The following SSBP1 variants were observed in gnomAD, a reference collection of about 807,000 sequenced individuals.
The protein encoded by SSBP1 is single-stranded DNA-binding protein, mitochondrial.
A neutral mutation model predicts 27.0 loss-of-function variants in SSBP1; 20 were observed. The observed-to-expected ratio is 0.74, with a 90% CI of 0.52 to 1.08. The LOEUF is 1.08. Among genes scored for constraint, SSBP1 ranks in the 50% least tolerant of loss-of-function variants. The pLI, the probability that SSBP1 is intolerant of heterozygous loss-of-function variation, is 0.00. For missense variants in SSBP1, 137 were observed against 182.4 expected, an observed-to-expected ratio of 0.75 and a Z score of 1.44; for synonymous variants, 59 against 59.3, an observed-to-expected ratio of 1.00 and a Z score of 0.02.
intron 2 of SSBP1, chr7:141,740,884 A>G (rs550947785): frequency 6.6e-6 from 1 of 152,336 alleles, no homozygotes; most frequent in East Asian, 1.9e-4. Context: ...TTTTAAAATG[A>G]AACACTTTAG....
chr7:141,742,895 C>T (rs1419855263), intron 3 of SSBP1, among the ~76,000 whole-genome samples: 1 of 152,152 alleles, frequency 6.6e-6, no homozygotes, highest in Non-Finnish European at 1.5e-5. Context: ...TGCTCTGTCG[C>T]CCAGGCTGGA....
intron 3 of SSBP1, among the ~76,000 whole-genome samples, chr7:141,743,142 C>G (rs557696251): frequency 6.6e-6 from 1 of 152,194 alleles, no homozygotes; most frequent in Admixed American, 6.5e-5. Flanking sequence ...CGTGAGCCAC[C>G]GCGCCCAGCC....
At chr7:141,739,830 C>T (rs977767165) in intron 2 of SSBP1, 1 of 152,210 alleles carries the variant, frequency 6.6e-6, no homozygotes, top group Non-Finnish European at 1.5e-5. Context: ...CTCCATGACT[C>T]TGTCATTTTC....
chr7:141,748,607 T>C (rs1455429586), intron 6 of SSBP1, among the ~76,000 whole-genome samples: 3 of 151,896 alleles, frequency 2.0e-5, no homozygotes, highest in African/African-American at 7.3e-5. Flanking sequence ...GTTCGGATTA[T>C]TGAGTTGTTA....
At chr7:141,745,442 C>CT (rs1799743483) in intron 5 of SSBP1, 54 bp from the exon 6 acceptor site, 3 of 1,481,818 alleles carry the variant, frequency 2.0e-6, no homozygotes, top group Non-Finnish European at 2.8e-6. Flanking sequence ...TGACCTGACT[C>CT]TTATAAAGCA....
At chr7:141,746,030 A>T (rs992352799) in intron 6 of SSBP1, 1 of 958,514 alleles carries the variant, frequency 1.0e-6, no homozygotes, top group African/African-American at 1.8e-5. Flanking sequence ...TTTTAATTTT[A>T]TTTTTTTTGA....
intron 6 of SSBP1, among the ~76,000 whole-genome samples, chr7:141,746,950 G>C (rs901336793): frequency 9.2e-5 from 14 of 151,770 alleles, no homozygotes; most frequent in African/African-American, 3.4e-4. Context: ...TTTTTTCTTT[G>C]AACTTGTTTT....
Position 141,739,237 on chromosome 7 carries a change from C to T in SSBP1, c.24+47C>T. ...TACTGAGATGTATTACTATCAGCCACAGTGATCAGAAGACTTCTTTAGGCT... is the reference window on the plus strand; with the variant it reads ...TACTGAGATGTATTACTATCAGCCATAGTGATCAGAAGACTTCTTTAGGCT... On this transcript the variant is annotated intron_variant, in intron 2 of 6. Transcript: ENST00000265304. 4.7e-6 allele frequency: 7 copies of T among 1,503,990 alleles called. No individual in the cohort carries two copies. In the East Asian group the frequency reaches 1.7e-4, roughly 36 times the overall value. 93.2% of individuals were successfully genotyped at this position (1,503,990 alleles called of 1,614,324 possible).
chr7:141,745,904 C>T, intron 6 of SSBP1: 1 of 1,058,906 alleles, frequency 9.4e-7, no homozygotes, highest in Non-Finnish European at 1.1e-6. Context: ...AAGGATCTAG[C>T]CCTAACCAGG....
intron 2 of SSBP1, 129 bp from the exon 3 acceptor site, chr7:141,742,040 G>T: frequency 1.4e-6 from 1 of 704,400 alleles, no homozygotes; most frequent in Non-Finnish European, 2.3e-6. Flanking sequence ...AACATGAGAA[G>T]AGCTTCTCTT....
rs764523337 is a variant in SSBP1 at position 141,745,452 on chromosome 7, A to G, written c.315-44A>G. The G allele has an allele frequency of 1.5e-5, 22 of 1,509,338 alleles. No homozygotes were observed. The Admixed American group carries it at 1.5e-4, about 10-fold the overall frequency. 93.5% of individuals were successfully genotyped at this position (1,509,338 alleles called of 1,614,324 possible). ...CACCCTGACCTGACTCTTATAAAGCATATTAAGATCTCAACTAAAAACTGT... is the reference window on the plus strand; with the variant it reads ...CACCCTGACCTGACTCTTATAAAGCGTATTAAGATCTCAACTAAAAACTGT... On this transcript the variant is annotated intron_variant, in intron 5 of 6. Coordinates refer to ENST00000265304, the MANE Select transcript of SSBP1 (RefSeq NM_003143.3).
rs185063976 is a variant in SSBP1 at position 141,740,211 on chromosome 7, A to G, written c.24+1021A>G. 1.7e-4 allele frequency: 26 copies of G among 152,328 alleles called. 1 individual carries two copies. The East Asian group carries it at 4.6e-3, about 27-fold the overall frequency. The allele number at this position is 152,328 out of a possible 1,614,324, so 9.4% of individuals were successfully genotyped here. Reference sequence around the variant, plus strand: ...GTTGTACTCATATCTTTATTTTCTTATCTGCCCTCTGCTCCTAAGTTTAGT... The same window carrying G: ...GTTGTACTCATATCTTTATTTTCTTGTCTGCCCTCTGCTCCTAAGTTTAGT... On this transcript the variant is annotated intron_variant, in intron 2 of 6. Transcript: ENST00000265304.
chr7:141,742,526 A>C (rs922362867), intron 3 of SSBP1, among the ~76,000 whole-genome samples: 8 of 152,194 alleles, frequency 5.3e-5, no homozygotes, highest in Non-Finnish European at 1.2e-4. Flanking sequence ...TATTAGGCTG[A>C]GATTGTAAAA....
intron 5 of SSBP1, 34 bp from the exon 6 acceptor site, chr7:141,745,462 C>G (rs757571875): frequency 1.3e-6 from 2 of 1,547,502 alleles, no homozygotes; most frequent in Non-Finnish European, 1.8e-6. Flanking sequence ...ATATTAAGAT[C>G]TCAACTAAAA....
In SSBP1 at chr7:141,742,176, G is replaced by A. The variant is rs146619105; in HGVS notation, c.32G>A (p.Arg11His). 134 of 1,597,630 alleles carry A rather than the reference G, an allele frequency of 8.4e-5. No homozygotes were observed. The highest frequency in any genetic ancestry group is 2.2e-4 in the East Asian group (10 of 44,576). ...TCATTTGTTCTTCTTTAGGTACTTC[G>A]TCAGTTTGTAAGACATGAGTCCGAA... is the stretch of plus-strand genomic sequence containing the variant. MFRRPVLQVL[R>H]QFVRHESETT... The change falls in exon 3 of 7, where the codon CGT becomes CAT. Residue 11 changes from arginine to histidine, a missense_variant. By Grantham distance (29) the Arg-to-His change is conservative. Coordinates refer to ENST00000265304, the MANE Select transcript of SSBP1 (RefSeq NM_003143.3).
chr7:141,742,650 C>A (rs910959644), intron 3 of SSBP1, among the ~76,000 whole-genome samples: 1 of 152,184 alleles, frequency 6.6e-6, no homozygotes, highest in Admixed American at 6.5e-5. Context: ...AATTTAAGAT[C>A]TAGAGCTTAC....
At position 141,750,211 on chromosome 7, in the gene SSBP1, T is replaced by C. The variant is rs3735279; in HGVS notation, c.404-100T>C. ...TTTTGAAAAGATGGCTAAAATCCTT[T>C]TAATGAACAGCACTAAAGTTATATG... On this transcript the variant is annotated intron_variant, in intron 6 of 6. Transcript: ENST00000265304. 3.1e-3 allele frequency: 2,670 copies of C among 848,356 alleles called. 54 individuals carry two copies. In the East Asian group the frequency reaches 0.04, roughly 13 times the overall value. 52.6% of individuals were successfully genotyped at this position (848,356 alleles called of 1,614,324 possible).
chr7:141,744,604 T>C (rs915425902), intron 5 of SSBP1, among the ~76,000 whole-genome samples: 5 of 152,238 alleles, frequency 3.3e-5, no homozygotes, highest in Non-Finnish European at 7.3e-5. Flanking sequence ...AGAAATGTAC[T>C]TGTTTTGTAG....
chr7:141,745,666 G>A (rs953083793), intron 6 of SSBP1, 82 bp downstream of exon 6: 1 of 1,571,092 alleles, frequency 6.4e-7, no homozygotes, highest in East Asian at 2.3e-5. Flanking sequence ...AACTAACTAG[G>A]GTTAAGAGTA....
Sources: allele counts gnomAD v4.1 joint callset (sites outside exome capture counted in the v4.1 genomes callset), GRCh38; gene constraint gnomAD v4.1.1; transcripts MANE v1.5; gene names NCBI Gene and HGNC (gene_info 2026-07-23, HGNC 2026-07-21).